CDH13: variants seen among roughly 807,000 people sequenced by gnomAD.
CDH13 encodes cadherin-13.
CDH13 carries 24 observed loss-of-function variants against 63.8 expected under a neutral mutation model. That is an observed-to-expected ratio of 0.38 (90% CI 0.27 to 0.53). The LOEUF (loss-of-function observed/expected upper bound fraction) is 0.53, where lower values mean the gene tolerates loss of function less well. Ranked by LOEUF, CDH13 falls within the 20% of genes least tolerant of loss-of-function variation. The pLI, the probability that CDH13 is intolerant of heterozygous loss-of-function variation, is 0.85. For synonymous variants in CDH13, 503 were observed against 355.3 expected, an observed-to-expected ratio of 1.42 and a Z score of -4.67; for missense variants, 1,049 against 903.1, an observed-to-expected ratio of 1.16 and a Z score of -2.07.
chr16:83,673,265 G>T (rs988471190), intron 9 of CDH13, among the ~76,000 whole-genome samples: 2 of 152,060 alleles, frequency 1.3e-5, no homozygotes, highest in Non-Finnish European at 2.9e-5. Flanking sequence ...ACATACATTC[G>T]TTCATCGGAC....
intron 2 of CDH13, among the ~76,000 whole-genome samples, chr16:82,877,694 G>A (rs1196474206): frequency 6.6e-6 from 1 of 151,970 alleles, no homozygotes; most frequent in African/African-American, 2.4e-5. Context: ...AAATATTCCA[G>A]AAAGCATGCA....
chr16:83,619,105 G>A (rs999274746), intron 8 of CDH13, among the ~76,000 whole-genome samples: 4 of 152,192 alleles, frequency 2.6e-5, no homozygotes, highest in Admixed American at 6.5e-5. Flanking sequence ...ACGTGATAAC[G>A]TTATGCTGTC....
intron 1 of CDH13, among the ~76,000 whole-genome samples, chr16:82,709,725 A>G (rs1428946384): frequency 1.3e-5 from 2 of 152,166 alleles, no homozygotes; most frequent in African/African-American, 2.4e-5. Flanking sequence ...AATAGAAAAG[A>G]TATGGTAAAG....
intron 7 of CDH13, among the ~76,000 whole-genome samples, chr16:83,498,812 C>T (rs536207344): frequency 6.6e-6 from 1 of 152,192 alleles, no homozygotes; most frequent in African/African-American, 2.4e-5. Flanking sequence ...GTGGAACTTT[C>T]ATTCTCATCA....
At chr16:82,736,874 C>G (rs967639393) in intron 1 of CDH13, among the ~76,000 whole-genome samples, 1 of 150,894 alleles carries the variant, frequency 6.6e-6, no homozygotes, top group Admixed American at 6.6e-5. Context: ...TTGTCTTCCT[C>G]AATCCTTTCA....
intron 1 of CDH13, among the ~76,000 whole-genome samples, chr16:82,670,334 T>G (rs1913089902): frequency 6.6e-6 from 1 of 152,172 alleles, no homozygotes; most frequent in Non-Finnish European, 1.5e-5. Context: ...AGGGAACAAT[T>G]TAGAGCGATT....
chr16:82,949,687 T>A (rs1905096597), intron 2 of CDH13, among the ~76,000 whole-genome samples: 1 of 152,210 alleles, frequency 6.6e-6, no homozygotes, highest in Admixed American at 6.5e-5. Context: ...AACTTTTTTT[T>A]TATAGCAAAT....
intron 7 of CDH13, among the ~76,000 whole-genome samples, chr16:83,557,946 C>T (rs2075634790): frequency 6.6e-6 from 1 of 152,050 alleles, no homozygotes; most frequent in Non-Finnish European, 1.5e-5. Context: ...GTCTATAGAT[C>T]CGTCACTTCC....
At chr16:83,100,901 TG>T (rs1447082853) in intron 3 of CDH13, among the ~76,000 whole-genome samples, 2 of 152,140 alleles carry the variant, frequency 1.3e-5, no homozygotes, top group Non-Finnish European at 2.9e-5. Flanking sequence ...GGAGGCTTTT[TG>T]TATTTCACAC....
At chr16:83,425,714 A>G (rs150530661) in intron 6 of CDH13, among the ~76,000 whole-genome samples, 4 of 152,262 alleles carry the variant, frequency 2.6e-5, no homozygotes, top group African/African-American at 9.6e-5. Flanking sequence ...ACTAATCTGC[A>G]GTGTTCAAAT....
At chr16:83,755,975 C>T (rs1430208802) in intron 11 of CDH13, among the ~76,000 whole-genome samples, 1 of 152,054 alleles carries the variant, frequency 6.6e-6, no homozygotes, top group Non-Finnish European at 1.5e-5. Flanking sequence ...ACAGCAGTAA[C>T]AGAAAAAGTG....
At chr16:82,695,451 C>T (rs1055466860) in intron 1 of CDH13, among the ~76,000 whole-genome samples, 2 of 152,144 alleles carry the variant, frequency 1.3e-5, no homozygotes, top group African/African-American at 2.4e-5. Context: ...ATATCTCTAC[C>T]ATTCATGGCA....
At chr16:82,922,107 G>T (rs1247829494) in intron 2 of CDH13, among the ~76,000 whole-genome samples, 1 of 152,038 alleles carries the variant, frequency 6.6e-6, no homozygotes, top group African/African-American at 2.4e-5. Flanking sequence ...ATCAGTGGTG[G>T]TATGCCCTTT....
chr16:83,712,891 C>T (rs993459263), intron 10 of CDH13, among the ~76,000 whole-genome samples: 2 of 152,220 alleles, frequency 1.3e-5, no homozygotes, highest in Admixed American at 6.5e-5. Flanking sequence ...GTTGGTACAT[C>T]ACCTGGATTT....
At chr16:82,753,110 C>A (rs572551615) in intron 1 of CDH13, among the ~76,000 whole-genome samples, 5 of 152,138 alleles carry the variant, frequency 3.3e-5, no homozygotes, top group Non-Finnish European at 7.3e-5. Flanking sequence ...TGACCTCTTA[C>A]AAACAGTACG....
intron 11 of CDH13, among the ~76,000 whole-genome samples, chr16:83,759,996 G>T (rs1913834589): frequency 6.8e-6 from 1 of 146,992 alleles, no homozygotes; most frequent in African/African-American, 2.5e-5. Context: ...ACAACCCAAA[G>T]AAGAATAGAT....
At chr16:83,094,292 C>G (rs1016270175) in intron 3 of CDH13, among the ~76,000 whole-genome samples, 5 of 152,126 alleles carry the variant, frequency 3.3e-5, no homozygotes, top group African/African-American at 1.2e-4. Context: ...CTGGGAAAGC[C>G]TCTCCCATGG....
At chr16:83,350,964 T>C (rs1236643223) in intron 6 of CDH13, among the ~76,000 whole-genome samples, 1 of 152,194 alleles carries the variant, frequency 6.6e-6, no homozygotes, top group Non-Finnish European at 1.5e-5. Flanking sequence ...ATGGCTATCC[T>C]GAGAGCTCAG....
intron 3 of CDH13, among the ~76,000 whole-genome samples, chr16:83,074,545 T>C (rs1267706044): frequency 6.6e-6 from 1 of 152,226 alleles, no homozygotes; most frequent in East Asian, 1.9e-4. Context: ...ACGGTAGTTC[T>C]ATTTTTAGTG....
Sources: allele counts gnomAD v4.1 joint callset (sites outside exome capture counted in the v4.1 genomes callset), GRCh38; gene constraint gnomAD v4.1.1; transcripts MANE v1.5; gene names NCBI Gene and HGNC (gene_info 2026-07-23, HGNC 2026-07-21).